STX8: variants seen among roughly 807,000 people sequenced by gnomAD.
STX8 encodes the protein syntaxin-8.
Under a neutral mutation model 37.5 loss-of-function variants are expected in STX8, and 23 were observed. The ratio of observed to expected loss-of-function variants is 0.61; its 90% CI spans 0.44 to 0.87. The LOEUF (loss-of-function observed/expected upper bound fraction) is 0.87, where lower values mean the gene tolerates loss of function less well. STX8 is among the 40% of genes least tolerant of loss of function. The pLI is 0.00. For synonymous variants in STX8, 115 were observed against 99.1 expected (o/e 1.16, Z -0.95); for missense variants, 313 against 284.7 (o/e 1.10, Z -0.71).
intron 1 of STX8, among the ~76,000 whole-genome samples, chr17:9,574,628 G>C (rs573035915): frequency 6.6e-6 from 1 of 151,774 alleles, no homozygotes; most frequent in Non-Finnish European, 1.5e-5. Flanking sequence ...TACACCTCCC[G>C]GGTTCAAGCG....
At chr17:9,263,344 G>T (rs2038928967) in intron 7 of STX8, among the ~76,000 whole-genome samples, 1 of 152,056 alleles carries the variant, frequency 6.6e-6, no homozygotes, top group Non-Finnish European at 1.5e-5. Flanking sequence ...GCCGGGCATG[G>T]TGGCACATGC....
At chr17:9,259,516 G>A (rs1209516440) in intron 7 of STX8, among the ~76,000 whole-genome samples, 1 of 152,328 alleles carries the variant, frequency 6.6e-6, no homozygotes, top group African/African-American at 2.4e-5. Flanking sequence ...TTCTCTCCGA[G>A]GCCCGGCGGT....
chr17:9,493,943 A>T (rs950285225), intron 5 of STX8, among the ~76,000 whole-genome samples: 2 of 152,114 alleles, frequency 1.3e-5, no homozygotes, highest in African/African-American at 4.8e-5. Context: ...AGCCACTGAA[A>T]ATCATATTGT....
intron 6 of STX8, among the ~76,000 whole-genome samples, chr17:9,455,688 G>A (rs1490286437): frequency 6.6e-6 from 1 of 152,094 alleles, no homozygotes; most frequent in African/African-American, 2.4e-5. Context: ...TTTTGACTAT[G>A]GTATCAGGAA....
chr17:9,497,653 T>C (rs950718298), intron 5 of STX8, among the ~76,000 whole-genome samples: 1 of 152,184 alleles, frequency 6.6e-6, no homozygotes, highest in Admixed American at 6.5e-5. Context: ...ATTTTAACAA[T>C]ACAACAGAGG....
At chr17:9,416,967 A>G (rs1316250519) in intron 6 of STX8, among the ~76,000 whole-genome samples, 1 of 152,128 alleles carries the variant, frequency 6.6e-6, no homozygotes, top group Non-Finnish European at 1.5e-5. Flanking sequence ...AACTGCCTTG[A>G]CCCAGACCTG....
chr17:9,429,586 C>A (rs1404277813), intron 6 of STX8, among the ~76,000 whole-genome samples: 1 of 137,196 alleles, frequency 7.3e-6, no homozygotes, highest in Non-Finnish European at 1.5e-5. Context: ...ACCTGTAGTC[C>A]CAGCTACTCG....
At chr17:9,475,331 T>A (rs1476918328) in intron 6 of STX8, among the ~76,000 whole-genome samples, 1 of 152,132 alleles carries the variant, frequency 6.6e-6, no homozygotes, top group Non-Finnish European at 1.5e-5. Context: ...TGGAAATACA[T>A]CAGGCTGCAG....
intron 6 of STX8, among the ~76,000 whole-genome samples, chr17:9,454,242 A>C (rs1261752715): frequency 6.6e-6 from 1 of 152,194 alleles, no homozygotes; most frequent in Non-Finnish European, 1.5e-5. Context: ...GATAACCAAG[A>C]GGGCTACCAA....
At chr17:9,301,725 G>A (rs899565090) in intron 7 of STX8, among the ~76,000 whole-genome samples, 5 of 151,616 alleles carry the variant, frequency 3.3e-5, no homozygotes, top group African/African-American at 1.2e-4. Context: ...ATCTGACCTC[G>A]TGATCCGTCC....
chr17:9,345,825 T>C (rs1910510964), intron 7 of STX8, among the ~76,000 whole-genome samples: 1 of 140,618 alleles, frequency 7.1e-6, no homozygotes, highest in Admixed American at 7.4e-5. Flanking sequence ...AATATTTGCA[T>C]TATACCTCCG....
At chr17:9,332,756 G>A (rs1352921051) in intron 7 of STX8, among the ~76,000 whole-genome samples, 2 of 152,246 alleles carry the variant, frequency 1.3e-5, no homozygotes, top group East Asian at 1.9e-4. Context: ...ACATTTATGT[G>A]TGCCTGCTTA....
intron 6 of STX8, among the ~76,000 whole-genome samples, chr17:9,454,677 CAA>C (rs71135986): frequency 2.6e-4 from 33 of 128,922 alleles, no homozygotes; most frequent in Non-Finnish European, 2.8e-4. Context: ...GAGACTGTCT[CAA>C]AAAAAAAAAA....
intron 7 of STX8, among the ~76,000 whole-genome samples, chr17:9,367,118 A>C (rs960346022): frequency 6.6e-6 from 1 of 151,896 alleles, no homozygotes. Flanking sequence ...GAGGCTGAAC[A>C]AATCTACTTG....
chr17:9,571,658 G>A (rs1567614535), intron 1 of STX8, among the ~76,000 whole-genome samples: 1 of 147,776 alleles, frequency 6.8e-6, no homozygotes, highest in Non-Finnish European at 1.5e-5. Context: ...GCTCACACCT[G>A]TAATCCCAGC....
chr17:9,362,840 A>AAAAATAAATAAAT (rs1555601151), intron 7 of STX8, among the ~76,000 whole-genome samples: 4 of 115,444 alleles, frequency 3.5e-5, no homozygotes, highest in African/African-American at 1.2e-4. Context: ...AAAAAAAAAA[A>AAAAATAAATAAAT]AAATAAATAA....
chr17:9,330,126 G>A (rs766683621), intron 7 of STX8, among the ~76,000 whole-genome samples: 7 of 152,160 alleles, frequency 4.6e-5, no homozygotes, highest in African/African-American at 9.7e-5. Flanking sequence ...GAGTCCCTCC[G>A]TAAGCTTTCC....
chr17:9,266,468 G>A (rs758041688), intron 7 of STX8, among the ~76,000 whole-genome samples: 41 of 152,144 alleles, frequency 2.7e-4, no homozygotes, highest in Admixed American at 7.9e-4. Context: ...TTACTTCAGC[G>A]CCGTGCTGGC....
intron 7 of STX8, among the ~76,000 whole-genome samples, chr17:9,318,463 C>T (rs1909461686): frequency 6.6e-6 from 1 of 152,094 alleles, no homozygotes. Flanking sequence ...AAGGAATAAT[C>T]TAGAATAAGA....
Sources: allele counts gnomAD v4.1 joint callset (sites outside exome capture counted in the v4.1 genomes callset), GRCh38; gene constraint gnomAD v4.1.1; transcripts MANE v1.5; gene names NCBI Gene and HGNC (gene_info 2026-07-23, HGNC 2026-07-21).